MAF: variants seen among roughly 807,000 people sequenced by gnomAD.
MAF encodes MAF bZIP transcription factor, also known as transcription factor Maf.
A neutral mutation model predicts 22.0 loss-of-function variants in MAF; 10 were observed. The ratio of observed to expected loss-of-function variants is 0.45; its 90% confidence interval spans 0.28 to 0.77. The LOEUF (loss-of-function observed/expected upper bound fraction) is 0.77, where lower values mean the gene tolerates loss of function less well. Ranked by LOEUF, MAF falls within the 30% of genes least tolerant of loss-of-function variation. MAF has a pLI of 0.12. For synonymous variants in MAF, 337 were observed against 255.8 expected (o/e 1.32, Z -3.03); for missense variants, 544 against 548.4 (o/e 0.99, Z 0.08).
the MAF span, among the ~76,000 whole-genome samples, chr16:79,317,928 AC>A: frequency 2.5e-3 from 379 of 149,660 alleles, 2 homozygotes; most frequent in African/African-American, 9.0e-3. Flanking sequence ...TCACTCACTC[AC>A]TCACTCACTC....
chr16:79,547,071 G>C, the MAF span, among the ~76,000 whole-genome samples: 192 of 152,200 alleles, frequency 1.3e-3, no homozygotes, highest in African/African-American at 4.3e-3. Flanking sequence ...CTTTTTCTTT[G>C]AAAAGTTCCT....
chr16:79,491,898 G>A, the MAF span, among the ~76,000 whole-genome samples: 2 of 152,126 alleles, frequency 1.3e-5, no homozygotes, highest in Non-Finnish European at 2.9e-5. Flanking sequence ...TGTGAGTGCA[G>A]CCCCTCTGCC....
the MAF span, among the ~76,000 whole-genome samples, chr16:79,319,910 G>C: frequency 6.6e-6 from 1 of 152,192 alleles, no homozygotes; most frequent in African/African-American, 2.4e-5. Context: ...GTTGGAGATG[G>C]GCTTTCTGCA....
the MAF span, among the ~76,000 whole-genome samples, chr16:79,349,409 A>T: frequency 2.6e-5 from 4 of 152,210 alleles, no homozygotes; most frequent in Non-Finnish European, 4.4e-5. Flanking sequence ...CTGTTTAGAA[A>T]GTTACTTCTC....
At chr16:79,595,498 C>T (rs1221025181) in intron 1 of MAF, 2 of 1,059,610 alleles carry the variant, frequency 1.9e-6, no homozygotes, top group East Asian at 1.0e-4. Flanking sequence ...CTTTGTCTAA[C>T]ATTCTATTGG....
the MAF span, among the ~76,000 whole-genome samples, chr16:79,390,708 A>C: frequency 1.3e-5 from 2 of 152,168 alleles, no homozygotes; most frequent in Non-Finnish European, 2.9e-5. Flanking sequence ...ACCAGAAACT[A>C]AACTTAGAAA....
At chr16:79,351,404 G>C in the MAF span, among the ~76,000 whole-genome samples, 1 of 152,100 alleles carries the variant, frequency 6.6e-6, no homozygotes, top group African/African-American at 2.4e-5. Context: ...GTGTGTTCAG[G>C]GTTCATGCTC....
chr16:79,391,421 T>C, the MAF span, among the ~76,000 whole-genome samples: 52 of 152,188 alleles, frequency 3.4e-4, no homozygotes, highest in South Asian at 2.1e-3. Context: ...AGGGAAGCAA[T>C]TGACTCCACG....
chr16:79,283,959 C>T, the MAF span, among the ~76,000 whole-genome samples: 1 of 107,678 alleles, frequency 9.3e-6, no homozygotes. Flanking sequence ...CCCCCTGCAC[C>T]TCCTCCTCAA....
the MAF span, among the ~76,000 whole-genome samples, chr16:79,576,864 T>C: frequency 6.6e-6 from 1 of 152,226 alleles, no homozygotes; most frequent in Non-Finnish European, 1.5e-5. Flanking sequence ...ATTCCTATCT[T>C]ACAGATGCAG....
At chr16:79,596,600 C>A (rs1913541562) in intron 1 of MAF, 5 of 1,043,274 alleles carry the variant, frequency 4.8e-6, no homozygotes, top group Non-Finnish European at 5.8e-6. Flanking sequence ...AGATATAAAA[C>A]AATTTTGCAC....
At chr16:79,313,162 G>T in the MAF span, among the ~76,000 whole-genome samples, 2 of 152,176 alleles carry the variant, frequency 1.3e-5, no homozygotes, top group African/African-American at 2.4e-5. Flanking sequence ...TGTCTGGGAA[G>T]TGATCAGGCC....
chr16:79,581,462 T>G (rs951537980), downstream of MAF, among the ~76,000 whole-genome samples: 2 of 152,200 alleles, frequency 1.3e-5, no homozygotes, highest in African/African-American at 2.4e-5. Context: ...AACTCAACTC[T>G]GCTGCTGGCA....
the MAF span, among the ~76,000 whole-genome samples, chr16:79,302,270 C>T: frequency 1.3e-5 from 2 of 152,206 alleles, no homozygotes; most frequent in African/African-American, 2.4e-5. Context: ...CACTGGATTA[C>T]GTTCTGGTTG....
chr16:79,282,602 ACTCAACTC>A, the MAF span, among the ~76,000 whole-genome samples: 3 of 152,184 alleles, frequency 2.0e-5, no homozygotes, highest in African/African-American at 7.2e-5. Flanking sequence ...AACAGAATGA[ACTCAACTC>A]TCTTTAGCCA....
At chr16:79,416,617 T>C in the MAF span, among the ~76,000 whole-genome samples, 1 of 152,010 alleles carries the variant, frequency 6.6e-6, no homozygotes. Context: ...GTTTTACAGA[T>C]GAAGAAATAG....
chr16:79,470,794 G>A, the MAF span, among the ~76,000 whole-genome samples: 6 of 152,196 alleles, frequency 3.9e-5, no homozygotes, highest in African/African-American at 1.4e-4. Flanking sequence ...ATGGATGGGT[G>A]AACGGATGAA....
the MAF span, among the ~76,000 whole-genome samples, chr16:79,357,088 C>G: frequency 6.6e-6 from 1 of 152,184 alleles, no homozygotes; most frequent in East Asian, 1.9e-4. Flanking sequence ...GAAACCCCAT[C>G]TCTACTAGAA....
the MAF span, among the ~76,000 whole-genome samples, chr16:79,345,598 G>A: frequency 6.6e-6 from 1 of 151,514 alleles, no homozygotes; most frequent in African/African-American, 2.4e-5. Context: ...CATGGTGGTG[G>A]GCACCTGTAA....
Sources: gnomAD v4.1 joint callset for allele counts (sites outside exome capture counted in the v4.1 genomes callset) on GRCh38, gnomAD v4.1.1 for gene constraint, MANE v1.5 for transcripts, NCBI Gene and HGNC (gene_info 2026-07-23, HGNC 2026-07-21) for gene names.